MCCC2: variants seen among roughly 807,000 people sequenced by gnomAD.
The protein encoded by MCCC2 is methylcrotonyl-CoA carboxylase subunit 2.
In MCCC2, 52 loss-of-function variants were observed where a neutral mutation model predicts 77.2. That is an observed-to-expected ratio of 0.67 (90% CI 0.54 to 0.85). MCCC2 has a LOEUF of 0.85. Ranked by LOEUF, MCCC2 falls within the 40% of genes least tolerant of loss-of-function variation. MCCC2 has a pLI of 0.00. For synonymous variants in MCCC2, 253 were observed against 248.4 expected (o/e 1.02, Z -0.18); for missense variants, 682 against 703.2 (o/e 0.97, Z 0.34).
chr5:71,655,991 G>C (rs1019594449), intron 16 of MCCC2, among the ~76,000 whole-genome samples: 1 of 152,206 alleles, frequency 6.6e-6, no homozygotes, highest in African/African-American at 2.4e-5. Flanking sequence ...GAGGTGGGCG[G>C]ATCACCTGAG....
intron 7 of MCCC2, among the ~76,000 whole-genome samples, chr5:71,628,753 AAGC>A (rs1254143025): frequency 2.0e-5 from 3 of 152,372 alleles, no homozygotes; most frequent in South Asian, 2.1e-4. Context: ...TGTTAAGAGA[AAGC>A]AGCAAGATTC....
chr5:71,645,446 C>T (rs528207687), intron 12 of MCCC2, among the ~76,000 whole-genome samples: 2 of 152,212 alleles, frequency 1.3e-5, no homozygotes, highest in African/African-American at 2.4e-5. Flanking sequence ...AAATAATTTC[C>T]TAAACTCAAG....
intron 2 of MCCC2, among the ~76,000 whole-genome samples, chr5:71,595,754 C>G (rs1225714319): frequency 2.0e-5 from 3 of 152,212 alleles, no homozygotes; most frequent in African/African-American, 7.2e-5. Context: ...AAGACAATCT[C>G]TGAGTCAAGG....
At chr5:71,645,153 A>G (rs2112462265) in intron 12 of MCCC2, among the ~76,000 whole-genome samples, 1 of 152,218 alleles carries the variant, frequency 6.6e-6, no homozygotes, top group Non-Finnish European at 1.5e-5. Context: ...GCCTGGCTTT[A>G]TTTGTCAGCT....
At chr5:71,646,755 G>C (rs114004321) in intron 13 of MCCC2, among the ~76,000 whole-genome samples, 1 of 152,186 alleles carries the variant, frequency 6.6e-6, no homozygotes, top group East Asian at 1.9e-4. Context: ...ACTCCTGTGT[G>C]TGCACAGCCA....
At chr5:71,634,889 T>C in intron 8 of MCCC2, 54 bp from the exon 9 acceptor site, 1 of 1,488,142 alleles carries the variant, frequency 6.7e-7, no homozygotes, top group Non-Finnish European at 9.4e-7. Context: ...ACCTGAGATA[T>C]TTAATTATTT....
At chr5:71,604,616 A>G (rs1745593724) in intron 6 of MCCC2, 148 bp downstream of exon 6, 1 of 670,672 alleles carries the variant, frequency 1.5e-6, no homozygotes, top group Admixed American at 2.5e-5. Context: ...GTTTTAGGGT[A>G]CATGTGCACA....
chr5:71,587,695 G>T, intron 1 of MCCC2, 141 bp downstream of exon 1: 1 of 1,161,450 alleles, frequency 8.6e-7, no homozygotes, highest in South Asian at 1.4e-5. Flanking sequence ...AAGAAGAAAA[G>T]CCTAACAGAT....
rs138221324 is a variant in MCCC2, at chr5:71,634,020, C to G, written c.804-923C>G. Among the ~76,000 whole-genome samples, 57 of 152,338 alleles carry G rather than the reference C, an allele frequency of 3.7e-4. 1 individual carries two copies. The highest frequency in any genetic ancestry group is 1.3e-3 in the African/African-American group (52 of 41,580). On this transcript the variant is annotated intron_variant, in intron 8 of 16. Coordinates refer to ENST00000340941, the MANE Select transcript of MCCC2 (RefSeq NM_022132.5). ...CCTAAAGTAGAGTGTCATGAAATCA[C>G]TGAGAGCCTAGCTCTAAGATATGTC...
intron 7 of MCCC2, among the ~76,000 whole-genome samples, chr5:71,628,094 T>G (rs1580312700): frequency 6.6e-6 from 1 of 152,234 alleles, no homozygotes; most frequent in African/African-American, 2.4e-5. Context: ...TATGCCTGCC[T>G]CAGCCTCCCA....
intron 8 of MCCC2, 47 bp from the exon 9 acceptor site, chr5:71,634,896 A>G: frequency 6.5e-7 from 1 of 1,528,402 alleles, no homozygotes; most frequent in African/African-American, 1.4e-5. Context: ...ATATTTAATT[A>G]TTTTCCTTTT....
chr5:71,648,247 C>A (rs1340803858), intron 13 of MCCC2, among the ~76,000 whole-genome samples: 1 of 152,062 alleles, frequency 6.6e-6, no homozygotes, highest in Non-Finnish European at 1.5e-5. Context: ...AGTCTGCAGG[C>A]CCACAGATGG....
rs1440841730 is a variant in MCCC2 at position 71,633,127 on chromosome 5, A to ATTTTTTTTTTTTT, written c.803+943_803+944insTTTTTTTTTTTTT. Among the ~76,000 whole-genome samples the ATTTTTTTTTTTTT allele has an allele frequency of 1.5e-3, 98 of 63,754 alleles. 5 individuals are homozygous for ATTTTTTTTTTTTT. Among genetic ancestry groups the ATTTTTTTTTTTTT allele is most frequent in the Admixed American group, 3.3e-3 (14 of 4,288 alleles). The allele number at this position is 63,754 out of a possible 152,430, so 41.8% of individuals were successfully genotyped here. On this transcript the variant is annotated intron_variant, in intron 8 of 16. Transcript: ENST00000340941. ...TATATATATATATATATATATATAT[A>ATTTTTTTTTTTTT]TATATTTTTATTTTTTGTAGAAACA...
intron 7 of MCCC2, among the ~76,000 whole-genome samples, chr5:71,628,178 A>T (rs533950078): frequency 4.8e-4 from 73 of 152,284 alleles, no homozygotes; most frequent in South Asian, 3.9e-3. Context: ...GGCCATTTGT[A>T]TGTCTTCTTT....
Position 71,626,770 on chromosome 5 carries a change from G to A in MCCC2, c.738+17G>A, listed in dbSNP as rs752630118. The A allele has an allele frequency of 2.5e-5, 40 of 1,603,664 alleles. No individual in the cohort carries two copies. The highest frequency in any genetic ancestry group is 4.4e-5 in the South Asian group (4 of 90,866). On this transcript the variant is annotated intron_variant, in intron 7 of 16. Coordinates refer to ENST00000340941, the MANE Select transcript of MCCC2 (RefSeq NM_022132.5). ...CCCCCCTTGGTAAGAACATAAGAAC[G>A]TTGGTCGATGGAAATTAAGTATGCA... is the stretch of plus-strand genomic sequence containing the variant.
intron 6 of MCCC2, among the ~76,000 whole-genome samples, chr5:71,613,122 T>C: frequency 6.6e-6 from 1 of 152,248 alleles, no homozygotes; most frequent in East Asian, 1.9e-4. Flanking sequence ...TCACTGGATT[T>C]AGGGACCACC....
At chr5:71,632,941 A>T (rs1225136972) in intron 8 of MCCC2, among the ~76,000 whole-genome samples, 1 of 151,660 alleles carries the variant, frequency 6.6e-6, no homozygotes, top group Non-Finnish European at 1.5e-5. Flanking sequence ...GAATGAAACT[A>T]TACCTGCTTT....
chr5:71,625,629 T>G (rs1746507084), intron 6 of MCCC2, among the ~76,000 whole-genome samples: 1 of 152,234 alleles, frequency 6.6e-6, no homozygotes, highest in South Asian at 2.1e-4. Flanking sequence ...TTCTGGGTGA[T>G]TGATAAGCAA....
intron 8 of MCCC2, among the ~76,000 whole-genome samples, chr5:71,633,114 TATATATATATATATA>T (rs1746786637): frequency 1.0e-5 from 1 of 99,388 alleles, no homozygotes; most frequent in African/African-American, 4.2e-5. Context: ...TATATATATA[TATATATATATATATA>T]TATTTTTATT....
Sources: gnomAD v4.1 joint callset for allele counts (sites outside exome capture counted in the v4.1 genomes callset) on GRCh38, gnomAD v4.1.1 for gene constraint, MANE v1.5 for transcripts, NCBI Gene and HGNC (gene_info 2026-07-23, HGNC 2026-07-21) for gene names.